Variants in ACTR1A observed in about 807,000 individuals in gnomAD.
The protein encoded by ACTR1A is actin related protein 1A, also known as alpha-centractin.
In ACTR1A, 10 loss-of-function variants were observed where a neutral mutation model predicts 50.7. The ratio of observed to expected loss-of-function variants is 0.20; its 90% CI spans 0.12 to 0.33. The LOEUF is 0.33. ACTR1A is among the 10% of genes least tolerant of loss of function. The probability of loss-of-function intolerance (pLI) is 1.00; values close to 1 mark genes in which losing one functional copy is unlikely to be tolerated. For synonymous variants in ACTR1A, 177 were observed against 184.2 expected (o/e 0.96, Z 0.32); for missense variants, 253 against 491.7 (o/e 0.51, Z 4.59).
intron 4 of ACTR1A, among the ~76,000 whole-genome samples, chr10:102,487,077 C>T (rs1273446472): frequency 6.6e-6 from 1 of 152,004 alleles, no homozygotes. Context: ...CCACAGTGAC[C>T]AGCCTCCCTT....
intron 4 of ACTR1A, among the ~76,000 whole-genome samples, chr10:102,486,717 A>C (rs1044859373): frequency 1.3e-5 from 2 of 151,992 alleles, no homozygotes; most frequent in African/African-American, 4.8e-5. Context: ...AAAAAAACCC[A>C]AAACTGAAAA....
At chr10:102,497,566 G>A (rs2062228291) in intron 1 of ACTR1A, among the ~76,000 whole-genome samples, 1 of 151,548 alleles carries the variant, frequency 6.6e-6, no homozygotes, top group African/African-American at 2.4e-5. Flanking sequence ...TAATCTGGGT[G>A]ATAGAGTGAG....
At chr10:102,496,808 T>C (rs1426034398) in intron 1 of ACTR1A, among the ~76,000 whole-genome samples, 1 of 152,200 alleles carries the variant, frequency 6.6e-6, no homozygotes, top group Non-Finnish European at 1.5e-5. Flanking sequence ...ATCTGAACAT[T>C]GACTAGATAA....
intron 6 of ACTR1A, chr10:102,483,437 A>C (rs1161286045): frequency 8.8e-6 from 2 of 228,358 alleles, no homozygotes; most frequent in Admixed American, 5.4e-5. Flanking sequence ...GGTCCTACCC[A>C]GCTCGAGTTT....
chr10:102,487,103 A>G (rs778845665), intron 4 of ACTR1A, among the ~76,000 whole-genome samples: 2 of 151,918 alleles, frequency 1.3e-5, no homozygotes. Context: ...TTTTGAATGG[A>G]GAGTTACTTC....
At chr10:102,490,415 G>A (rs535086117) in intron 2 of ACTR1A, 134 bp downstream of exon 2, 37 of 552,232 alleles carry the variant, frequency 6.7e-5, no homozygotes, top group Non-Finnish European at 1.6e-5. Context: ...CCTCTTATCT[G>A]TGCCTCTCAA....
rs1350879053 is a variant in ACTR1A at position 102,502,115 on chromosome 10, T to C, written c.48+485A>G. On this transcript the variant is annotated intron_variant, in intron 1 of 10. Transcript: ENST00000369905. The stretch of plus-strand genomic sequence containing the variant: ...CACCACCCAGAGTCCCGGAAGCCAA[T>C]CCCCACAGCCCTGGAGCACTGCCCC... 6.6e-5 allele frequency among the ~76,000 whole-genome samples: 10 copies of C among 151,806 alleles called. No homozygotes were observed. In the East Asian group the frequency reaches 1.9e-3, roughly 29 times the overall value.
chr10:102,486,013 G>A (rs555202001), intron 4 of ACTR1A, among the ~76,000 whole-genome samples: 2 of 152,166 alleles, frequency 1.3e-5, no homozygotes, highest in Admixed American at 6.5e-5. Flanking sequence ...TGTGTCTACT[G>A]TGTATCTCCA....
chr10:102,496,067 T>G (rs1203891753), intron 1 of ACTR1A, among the ~76,000 whole-genome samples: 1 of 152,204 alleles, frequency 6.6e-6, no homozygotes, highest in African/African-American at 2.4e-5. Flanking sequence ...TGCCTCAGCC[T>G]CCTGCATAGC....
At chr10:102,501,386 T>C (rs540328704) in intron 1 of ACTR1A, among the ~76,000 whole-genome samples, 1 of 152,134 alleles carries the variant, frequency 6.6e-6, no homozygotes, top group Non-Finnish European at 1.5e-5. Context: ...TCCCAAGAGC[T>C]GAATCAACAA....
chr10:102,497,728 T>C (rs1402400794), intron 1 of ACTR1A, among the ~76,000 whole-genome samples: 5 of 152,112 alleles, frequency 3.3e-5, no homozygotes, highest in Non-Finnish European at 7.4e-5. Context: ...TCCTGACTTA[T>C]CTTCCAGAGT....
At chr10:102,494,332 C>T (rs973452954) in intron 1 of ACTR1A, among the ~76,000 whole-genome samples, 2 of 152,098 alleles carry the variant, frequency 1.3e-5, no homozygotes, top group Admixed American at 6.5e-5. Flanking sequence ...CCCATCACTA[C>T]AAAAAATACC....
At position 102,485,570 on chromosome 10, in the gene ACTR1A, C is replaced by G; in HGVS notation, c.440+39G>C. On this transcript the variant is annotated intron_variant, in intron 5 of 10. Transcript: ENST00000369905. Reference sequence around the variant, plus strand: ...CAGCCTCAGCTGTGCCAAAGGACTGCTTTCCCCGCAGGGGCCGGGCTAGCC... The same window carrying G: ...CAGCCTCAGCTGTGCCAAAGGACTGGTTTCCCCGCAGGGGCCGGGCTAGCC... 3 of 1,610,460 alleles carry G rather than the reference C, an allele frequency of 1.9e-6. 1 individual carries two copies.
chr10:102,482,929 C>G lies in ACTR1A; in HGVS notation c.750+82G>C. On this transcript the variant is annotated intron_variant, in intron 7 of 10. Coordinates refer to ENST00000369905, the MANE Select transcript of ACTR1A (RefSeq NM_005736.4). This position sits in a 1 kb window ranked among gnomAD's most constrained non-coding sequence, Gnocchi z 5.6. ...TGTAAAGGGACTGGCCTGCCAGACT[C>G]CAGACCCTGATGGAGAATTCTGGTT... is the stretch of plus-strand genomic sequence containing the variant. The G allele has an allele frequency of 5.8e-6, 7 of 1,204,564 alleles. No homozygotes were observed. In the South Asian group the frequency reaches 8.5e-5, roughly 15 times the overall value. The allele number at this position is 1,204,564 out of a possible 1,614,324, so 74.6% of individuals were successfully genotyped here.
At chr10:102,498,730 T>C (rs955768286) in intron 1 of ACTR1A, among the ~76,000 whole-genome samples, 3 of 152,028 alleles carry the variant, frequency 2.0e-5, no homozygotes, top group Non-Finnish European at 4.4e-5. Flanking sequence ...GCCTTGGCTT[T>C]CCAAAATGCT....
At position 102,488,062 on chromosome 10, in the gene ACTR1A, G is replaced by C; in HGVS notation, c.315+88C>G. ...AAATGGCTCCAGCACTCTTGGCAGTGATCATCGTCCTCCTCATCATCTCTA... is the reference window on the plus strand; with the variant it reads ...AAATGGCTCCAGCACTCTTGGCAGTCATCATCGTCCTCCTCATCATCTCTA... On this transcript the variant is annotated intron_variant, in intron 4 of 10. Transcript: ENST00000369905. This position sits in a 1 kb window ranked among gnomAD's most constrained non-coding sequence, Gnocchi z 4.4. 1 of 1,492,602 alleles carries C rather than the reference G, an allele frequency of 6.7e-7. No homozygotes were observed. Among genetic ancestry groups the C allele is most frequent in the Admixed American group, 1.7e-5 (1 of 57,588 alleles). The allele number at this position is 1,492,602 out of a possible 1,614,324, so 92.5% of individuals were successfully genotyped here.
chr10:102,480,838 G>T lies in ACTR1A; in HGVS notation c.*25C>A. 1 of 1,565,050 alleles carries T rather than the reference G, an allele frequency of 6.4e-7. No homozygotes were observed. Among genetic ancestry groups the T allele is most frequent in the Non-Finnish European group, 8.8e-7 (1 of 1,135,956 alleles). On this transcript the variant is annotated 3_prime_UTR_variant, in exon 11 of 11. Transcript: ENST00000369905. ...GTTTTAAAGTGGAGTTAACTTCAGA[G>T]AGAGGTGAAGATGATGTCCCGACAT...
intron 1 of ACTR1A, among the ~76,000 whole-genome samples, chr10:102,495,755 AT>A (rs79530206): frequency 0.21 from 20,322 of 98,066 alleles, 814 homozygotes; most frequent in East Asian, 0.23. Flanking sequence ...TAAATACACA[AT>A]TTTTTTTTTT....
rs200050539 is a variant in ACTR1A, at chr10:102,502,697, C to T, written c.-50G>A. 1.2e-5 allele frequency: 20 copies of T among 1,606,368 alleles called. No individual in the cohort carries two copies. The East Asian group carries it at 1.8e-4, about 14-fold the overall frequency. ...GAAGGAACTGCCCAGCCGGGTCCGC[C>T]GCTAGCGCCACTGACACGCATGCGC... is the stretch of plus-strand genomic sequence containing the variant. On this transcript the variant is annotated 5_prime_UTR_variant, in exon 1 of 11. Transcript: ENST00000369905.
Sources: allele counts gnomAD v4.1 joint callset (sites outside exome capture counted in the v4.1 genomes callset), GRCh38; gene constraint gnomAD v4.1.1; non-coding constraint Gnocchi (gnomAD v3.1); transcripts MANE v1.5; gene names NCBI Gene and HGNC (gene_info 2026-07-23, HGNC 2026-07-21).